Variants in GNAT3 observed in about 807,000 individuals in gnomAD.
GNAT3 encodes the protein guanine nucleotide-binding protein G(t) subunit alpha-3.
GNAT3 carries 31 observed loss-of-function variants against 37.7 expected under a neutral mutation model. That is an observed-to-expected ratio of 0.82 (90% CI 0.62 to 1.11). The LOEUF (loss-of-function observed/expected upper bound fraction) is 1.11. Among genes scored for constraint, GNAT3 ranks in the 50% most tolerant of loss-of-function variants. The pLI, the probability that GNAT3 is intolerant of heterozygous loss-of-function variation, is 0.00. For synonymous variants in GNAT3, 138 were observed against 139.8 expected, an observed-to-expected ratio of 0.99 and a Z score of 0.09; for missense variants, 437 against 412.5, an observed-to-expected ratio of 1.06 and a Z score of -0.51.
At chr7:80,469,813 T>G (rs1158189395) in intron 5 of GNAT3, among the ~76,000 whole-genome samples, 3 of 152,144 alleles carry the variant, frequency 2.0e-5, no homozygotes, top group Non-Finnish European at 2.9e-5. Context: ...AATTGTACAC[T>G]CTAAAACCCT....
chr7:80,502,376 A>G (rs979717504), intron 1 of GNAT3, among the ~76,000 whole-genome samples: 16 of 152,234 alleles, frequency 1.1e-4, no homozygotes, highest in African/African-American at 3.4e-4. Context: ...TCTTATTAAC[A>G]TACCTTTTAG....
At chr7:80,468,863 C>T (rs933287558) in intron 5 of GNAT3, among the ~76,000 whole-genome samples, 20 of 152,134 alleles carry the variant, frequency 1.3e-4, no homozygotes, top group African/African-American at 4.6e-4. Flanking sequence ...ACTTCAAATG[C>T]CCACTAGATA....
At chr7:80,499,967 T>C (rs1317426379) in intron 1 of GNAT3, among the ~76,000 whole-genome samples, 1 of 152,200 alleles carries the variant, frequency 6.6e-6, no homozygotes, top group Non-Finnish European at 1.5e-5. Flanking sequence ...TGTGCTCATA[T>C]CCTTTTAAAG....
chr7:80,504,082 G>A (rs571555528), intron 1 of GNAT3, among the ~76,000 whole-genome samples: 11 of 152,286 alleles, frequency 7.2e-5, no homozygotes, highest in South Asian at 6.2e-4. Flanking sequence ...TTGGGAGGCC[G>A]AGACAGGCAG....
At chr7:80,471,770 C>T (rs929414302) in intron 5 of GNAT3, among the ~76,000 whole-genome samples, 1 of 152,106 alleles carries the variant, frequency 6.6e-6, no homozygotes, top group Non-Finnish European at 1.5e-5. Flanking sequence ...ATCTCTAGCA[C>T]TTCCGTGAAA....
At chr7:80,474,704 C>T (rs771223435) in intron 4 of GNAT3, among the ~76,000 whole-genome samples, 1 of 152,042 alleles carries the variant, frequency 6.6e-6, no homozygotes, top group South Asian at 2.1e-4. Context: ...ATCAACATTG[C>T]CTTAACCTGT....
intron 7 of GNAT3, among the ~76,000 whole-genome samples, chr7:80,460,519 G>A (rs558971200): frequency 3.3e-5 from 5 of 152,218 alleles, no homozygotes; most frequent in South Asian, 2.1e-4. Context: ...TTGGGAGGGC[G>A]GATGGATCAT....
At chr7:80,478,801 A>G in intron 4 of GNAT3, 40 bp downstream of exon 4, 1 of 1,580,486 alleles carries the variant, frequency 6.3e-7, no homozygotes, top group Non-Finnish European at 8.6e-7. Context: ...TTAATTTTAA[A>G]TGTTTTACCT....
chr7:80,504,766 A>G (rs1790901350), intron 1 of GNAT3, among the ~76,000 whole-genome samples: 2 of 152,234 alleles, frequency 1.3e-5, no homozygotes, highest in Non-Finnish European at 2.9e-5. Flanking sequence ...AAAATATAAG[A>G]ATACGTGAAT....
chr7:80,460,405 C>G (rs983624805), intron 7 of GNAT3, among the ~76,000 whole-genome samples: 3 of 152,138 alleles, frequency 2.0e-5, no homozygotes, highest in Non-Finnish European at 4.4e-5. Flanking sequence ...GATACATGAC[C>G]TGCATGTGGC....
At chr7:80,508,336 TA>T (rs1790989359) in intron 1 of GNAT3, among the ~76,000 whole-genome samples, 1 of 151,710 alleles carries the variant, frequency 6.6e-6, no homozygotes. Flanking sequence ...GTAATAAGCA[TA>T]AAGAGAGGAG....
At chr7:80,489,758 T>C (rs1277317366) in intron 2 of GNAT3, among the ~76,000 whole-genome samples, 1 of 152,106 alleles carries the variant, frequency 6.6e-6, no homozygotes, top group East Asian at 1.9e-4. Flanking sequence ...ACAAAGGCTG[T>C]AGAAAAAAAT....
At chr7:80,477,686 TG>T (rs2116168175) in intron 4 of GNAT3, among the ~76,000 whole-genome samples, 1 of 152,346 alleles carries the variant, frequency 6.6e-6, no homozygotes, top group East Asian at 1.9e-4. Context: ...CTTTTTCATT[TG>T]TTTCACTTTT....
chr7:80,484,396 A>G (rs1156634512), intron 3 of GNAT3, among the ~76,000 whole-genome samples: 1 of 152,126 alleles, frequency 6.6e-6, no homozygotes, highest in Non-Finnish European at 1.5e-5. Context: ...AAGTTATTGG[A>G]CGCATATATA....
intron 2 of GNAT3, among the ~76,000 whole-genome samples, chr7:80,489,342 C>A (rs1790548489): frequency 6.6e-6 from 1 of 152,078 alleles, no homozygotes; most frequent in Non-Finnish European, 1.5e-5. Context: ...AATAGATTTA[C>A]CTATCAAAAG....
intron 2 of GNAT3, among the ~76,000 whole-genome samples, chr7:80,491,011 A>G (rs1190058979): frequency 1.3e-5 from 2 of 152,200 alleles, no homozygotes; most frequent in African/African-American, 2.4e-5. Flanking sequence ...TGATCTTGAC[A>G]GCAAGGGTGA....
intron 1 of GNAT3, among the ~76,000 whole-genome samples, chr7:80,509,616 T>G (rs1791021017): frequency 6.6e-6 from 1 of 152,142 alleles, no homozygotes; most frequent in Non-Finnish European, 1.5e-5. Flanking sequence ...ATTTTTCATT[T>G]GATAGCATTG....
chr7:80,462,946 G>T, intron 5 of GNAT3, among the ~76,000 whole-genome samples: 1 of 152,090 alleles, frequency 6.6e-6, no homozygotes, highest in East Asian at 1.9e-4. Context: ...TTTGATAAAA[G>T]TTTAGACATA....
chr7:80,495,779 T>C lies in GNAT3; in HGVS notation c.119-1132A>G, dbSNP rs942938369. 3.3e-5 allele frequency among the ~76,000 whole-genome samples: 5 copies of C among 152,162 alleles called. 1 individual carries two copies. Among genetic ancestry groups the C allele is most frequent in the Non-Finnish European group, 4.4e-5 (3 of 68,024 alleles). On this transcript the variant is annotated intron_variant, in intron 1 of 7. Coordinates refer to ENST00000398291, the MANE Select transcript of GNAT3 (RefSeq NM_001102386.3). ...CTGCACCTGGCCTTCACTGTAGTTT[T>C]AATTTACATTTCTCTGACAATTAGT...
Sources: gnomAD v4.1 joint callset for allele counts (sites outside exome capture counted in the v4.1 genomes callset) on GRCh38, gnomAD v4.1.1 for gene constraint, MANE v1.5 for transcripts, NCBI Gene and HGNC (gene_info 2026-07-23, HGNC 2026-07-21) for gene names.